The following CNTN4 variants were observed in gnomAD, a reference collection of about 807,000 sequenced individuals.
CNTN4 encodes contactin 4.
In CNTN4, 77 loss-of-function variants were observed where a neutral mutation model predicts 122.5. That is an observed-to-expected ratio of 0.63 (90% CI 0.52 to 0.76). CNTN4 has a LOEUF of 0.76. Ranked by LOEUF, CNTN4 falls within the 30% of genes least tolerant of loss-of-function variation. The pLI, the probability that CNTN4 is intolerant of heterozygous loss-of-function variation, is 0.00. For synonymous variants in CNTN4, 512 were observed against 447.0 expected (o/e 1.15, Z -1.83); for missense variants, 1,256 against 1,259.1 (o/e 1.00, Z 0.04).
chr3:2,484,837 C>T (rs2076102475), intron 3 of CNTN4, among the ~76,000 whole-genome samples: 2 of 152,228 alleles, frequency 1.3e-5, no homozygotes, highest in Admixed American at 1.3e-4. Context: ...CTTCAGCCTG[C>T]CACTGTGCTG....
intron 3 of CNTN4, among the ~76,000 whole-genome samples, chr3:2,558,761 A>T (rs748932885): frequency 2.9e-4 from 44 of 152,290 alleles, no homozygotes; most frequent in Non-Finnish European, 4.4e-4. Context: ...AAATTATTAT[A>T]CTGCAACCCT....
intron 3 of CNTN4, among the ~76,000 whole-genome samples, chr3:2,379,271 T>C (rs114343726): frequency 0.011 from 1,610 of 152,240 alleles, 28 homozygotes; most frequent in African/African-American, 0.036. Flanking sequence ...GTTTCCTTTT[T>C]TTTTCTTCTG....
chr3:2,520,259 CTTTTTTTTTTTTT>C (rs397988483), intron 3 of CNTN4, among the ~76,000 whole-genome samples: 16 of 74,470 alleles, frequency 2.1e-4, no homozygotes, highest in South Asian at 4.5e-4. Flanking sequence ...TGATTGCTTC[CTTTTTTTTTTTTT>C]TTTTTTTTTT....
chr3:2,119,546 C>T (rs1173313776), intron 2 of CNTN4, among the ~76,000 whole-genome samples: 3 of 152,198 alleles, frequency 2.0e-5, no homozygotes, highest in African/African-American at 7.2e-5. Flanking sequence ...TGGGCAATTT[C>T]ATAGATGCCA....
chr3:2,366,385 T>C (rs994534064), intron 3 of CNTN4, among the ~76,000 whole-genome samples: 1 of 152,200 alleles, frequency 6.6e-6, no homozygotes, highest in Non-Finnish European at 1.5e-5. Flanking sequence ...TAAAAACTTA[T>C]GCCCATTTCA....
At chr3:2,941,708 T>C (rs1389961048) in intron 13 of CNTN4, among the ~76,000 whole-genome samples, 3 of 152,336 alleles carry the variant, frequency 2.0e-5, no homozygotes, top group Middle Eastern at 3.4e-3. Flanking sequence ...CCTTCCAATG[T>C]GTTCTCTGTA....
At chr3:2,719,279 TC>T (rs67518076) in intron 4 of CNTN4, among the ~76,000 whole-genome samples, 52,188 of 151,254 alleles carry the variant, frequency 0.35, 9,754 homozygotes, top group East Asian at 0.57. Context: ...GAAACAAGGT[TC>T]ATAAGGACAA....
intron 2 of CNTN4, among the ~76,000 whole-genome samples, chr3:2,192,815 C>T (rs1181977110): frequency 6.6e-6 from 1 of 152,008 alleles, no homozygotes; most frequent in Non-Finnish European, 1.5e-5. Context: ...TATTAGCTCC[C>T]CACTATTTAA....
intron 3 of CNTN4, among the ~76,000 whole-genome samples, chr3:2,494,028 A>T (rs576665064): frequency 8.9e-5 from 13 of 146,126 alleles, no homozygotes; most frequent in African/African-American, 3.2e-4. Flanking sequence ...GTTTATTAGG[A>T]TTTTTTTTTT....
intron 2 of CNTN4, among the ~76,000 whole-genome samples, chr3:2,166,275 T>C (rs1307231639): frequency 1.3e-5 from 2 of 152,132 alleles, no homozygotes; most frequent in African/African-American, 4.8e-5. Context: ...TGAAATCTCA[T>C]CTCACACCTG....
chr3:2,872,710 C>A (rs1008646873), intron 8 of CNTN4, among the ~76,000 whole-genome samples: 3 of 152,120 alleles, frequency 2.0e-5, no homozygotes, highest in African/African-American at 7.2e-5. Context: ...CTTTCCCTTT[C>A]TCTCCTCCAT....
chr3:2,467,136 T>A (rs553415556), intron 3 of CNTN4, among the ~76,000 whole-genome samples: 8 of 150,466 alleles, frequency 5.3e-5, no homozygotes, highest in Non-Finnish European at 8.9e-5. Context: ...ATTATGGGTT[T>A]TTTTTTTTTT....
At chr3:2,311,164 G>T (rs984134599) in intron 2 of CNTN4, among the ~76,000 whole-genome samples, 1 of 151,992 alleles carries the variant, frequency 6.6e-6, no homozygotes, top group African/African-American at 2.4e-5. Context: ...TCTAATTAAA[G>T]ACTGTTTCCC....
At chr3:2,333,293 C>T (rs1471240980) in intron 2 of CNTN4, among the ~76,000 whole-genome samples, 1 of 152,208 alleles carries the variant, frequency 6.6e-6, no homozygotes, top group Non-Finnish European at 1.5e-5. Context: ...AAGGCAGGTT[C>T]TTCAAGGTGA....
intron 3 of CNTN4, among the ~76,000 whole-genome samples, chr3:2,519,515 G>T (rs2077137140): frequency 6.6e-6 from 1 of 152,140 alleles, no homozygotes; most frequent in Non-Finnish European, 1.5e-5. Context: ...AGTCATTCTT[G>T]CATTTCTTTT....
chr3:2,427,271 G>A (rs1451953602), intron 3 of CNTN4, among the ~76,000 whole-genome samples: 1 of 152,158 alleles, frequency 6.6e-6, no homozygotes, highest in Non-Finnish European at 1.5e-5. Context: ...GGTATGTTGT[G>A]TCTTTGTTCT....
chr3:2,663,472 G>A (rs1008488633), intron 4 of CNTN4, among the ~76,000 whole-genome samples: 5 of 151,006 alleles, frequency 3.3e-5, no homozygotes, highest in African/African-American at 1.2e-4. Flanking sequence ...GAGACATTGG[G>A]AAAGGAATTT....
chr3:2,115,916 A>G (rs144449121), intron 2 of CNTN4, among the ~76,000 whole-genome samples: 21 of 152,308 alleles, frequency 1.4e-4, no homozygotes, highest in African/African-American at 4.8e-4. Flanking sequence ...TAGGGTGGGC[A>G]TTTAGCTTTT....
chr3:2,796,330 G>T (rs746369118), intron 6 of CNTN4, among the ~76,000 whole-genome samples: 2 of 152,082 alleles, frequency 1.3e-5, no homozygotes, highest in South Asian at 4.1e-4. Flanking sequence ...AGTGTGAAAA[G>T]TTGAAGCACT....
Sources: allele counts gnomAD v4.1 joint callset (sites outside exome capture counted in the v4.1 genomes callset), GRCh38; gene constraint gnomAD v4.1.1; transcripts MANE v1.5; gene names NCBI Gene and HGNC (gene_info 2026-07-23, HGNC 2026-07-21).